The following TVP23C variants were observed in gnomAD, a reference collection of about 807,000 sequenced individuals.
The protein encoded by TVP23C is Golgi apparatus membrane protein TVP23 homolog C.
TVP23C carries 19 observed loss-of-function variants against 28.7 expected under a neutral mutation model. That is an observed-to-expected ratio of 0.66 (90% CI 0.46 to 0.97). TVP23C has a LOEUF of 0.97. Ranked by LOEUF, TVP23C falls within the 50% of genes least tolerant of loss-of-function variation. The pLI, the probability that TVP23C is intolerant of heterozygous loss-of-function variation, is 0.00. For missense variants in TVP23C, 186 were observed against 241.3 expected (o/e 0.77, Z 1.52); for synonymous variants, 68 against 81.7 (o/e 0.83, Z 0.90).
At position 15,503,355 on chromosome 17, in the gene TVP23C, T is replaced by C. The variant is rs1408163353; in HGVS notation, c.463-123A>G. 8 of 1,216,670 alleles carry C rather than the reference T, an allele frequency of 6.6e-6. No individual in the cohort carries two copies. In the Admixed American group the frequency reaches 2.1e-4, roughly 31 times the overall value. The allele number at this position is 1,216,670 out of a possible 1,614,324, so 75.4% of individuals were successfully genotyped here. On this transcript the variant is annotated intron_variant, in intron 5 of 5. Coordinates refer to the TVP23C transcript ENST00000225576. ...AGGAAGTCGAAGCTGCAATGAGCTG[T>C]GACCACGCCACTGCACTCCAGCCTG...
chr17:15,538,910 C>A lies in TVP23C; in HGVS notation c.*1502G>T. On this transcript the variant is annotated 3_prime_UTR_variant, in exon 6 of 6. Transcript: ENST00000518321. ...TCAGAATGAGATGATCATGTCCCTA[C>A]ATGAATATTCATTTTCTCTACTTTT... is the stretch of plus-strand genomic sequence containing the variant. 1 of 985,828 alleles carries A rather than the reference C, an allele frequency of 1.0e-6. No individual in the cohort carries two copies. Among genetic ancestry groups the A allele is most frequent in the Non-Finnish European group, 1.2e-6 (1 of 829,922 alleles). The allele number at this position is 985,828 out of a possible 1,614,324, so 61.1% of individuals were successfully genotyped here.
At chr17:15,552,399 T>C (rs997453089) in intron 3 of TVP23C, among the ~76,000 whole-genome samples, 1 of 152,138 alleles carries the variant, frequency 6.6e-6, no homozygotes, top group Non-Finnish European at 1.5e-5. Context: ...AATTAAAAGA[T>C]GGCCAGGCGC....
rs1011019042 is a variant in TVP23C at position 15,538,659 on chromosome 17, C to A, written c.*1753G>T. ...TAAATCCATGGATACCATCATCCAC[C>A]CAGCTGTCCAGTTTGTCTCATTTGA... is the stretch of plus-strand genomic sequence containing the variant. On this transcript the variant is annotated 3_prime_UTR_variant, in exon 6 of 6. Transcript: ENST00000518321. 8 of 985,180 alleles carry A rather than the reference C, an allele frequency of 8.1e-6. No homozygotes were observed. The highest frequency in any genetic ancestry group is 5.2e-4 in the Middle Eastern group (1 of 1,936). 61.0% of individuals were successfully genotyped at this position (985,180 alleles called of 1,614,324 possible). A position where few individuals can be genotyped will look rare whatever the true frequency, so the allele number is the denominator to read the frequency against.
intron 3 of TVP23C, among the ~76,000 whole-genome samples, chr17:15,552,464 T>G (rs961068002): frequency 3.3e-5 from 5 of 152,060 alleles, no homozygotes; most frequent in Non-Finnish European, 7.4e-5. Flanking sequence ...GGCAGATCAC[T>G]TGACGTCAGA....
chr17:15,503,419 T>C, intron 5 of TVP23C: 2 of 703,596 alleles, frequency 2.8e-6, no homozygotes, highest in Non-Finnish European at 4.4e-6. Context: ...AGAAAAGTCC[T>C]TGAGGCAAAA....
Position 15,504,032 on chromosome 17 carries a change from A to C in TVP23C, c.463-800T>G, listed in dbSNP as rs147226303. The stretch of plus-strand genomic sequence containing the variant: ...TTTCTCAGGGACACTCAGAAAAAAG[A>C]GCCCAGTCTCCTGAGAGCAAGCATG... On this transcript the variant is annotated intron_variant, in intron 5 of 5. Transcript: ENST00000225576. Among the ~76,000 whole-genome samples, 642 of 151,208 alleles carry C rather than the reference A, an allele frequency of 4.2e-3. 5 individuals are homozygous for C. Among genetic ancestry groups the C allele is most frequent in the African/African-American group, 0.015 (606 of 41,012 alleles).
intron 1 of TVP23C, among the ~76,000 whole-genome samples, chr17:15,560,319 C>T (rs1167584543): frequency 1.3e-5 from 2 of 149,102 alleles, no homozygotes; most frequent in Admixed American, 1.4e-4. Context: ...CCACCCTGGC[C>T]TCCCAAAGTG....
At chr17:15,559,027 T>C (rs236805) in intron 1 of TVP23C, among the ~76,000 whole-genome samples, 25,160 of 128,328 alleles carry the variant, frequency 0.2, 3,872 homozygotes, top group East Asian at 0.61. Flanking sequence ...GGTCTCGTTA[T>C]GTTGCCCAGG....
chr17:15,519,866 C>T (rs1314782421), intron 5 of TVP23C, among the ~76,000 whole-genome samples: 1 of 152,214 alleles, frequency 6.6e-6, no homozygotes, highest in Non-Finnish European at 1.5e-5. Context: ...CGCGCCACTG[C>T]ACTCCAGCTG....
intron 5 of TVP23C, among the ~76,000 whole-genome samples, chr17:15,506,255 G>A (rs899295650): frequency 3.9e-5 from 6 of 152,134 alleles, no homozygotes; most frequent in Non-Finnish European, 8.8e-5. Flanking sequence ...TGCACCAATC[G>A]ACACTCTGTA....
intron 5 of TVP23C, among the ~76,000 whole-genome samples, chr17:15,505,783 C>T (rs1981701035): frequency 7.2e-6 from 1 of 138,878 alleles, no homozygotes; most frequent in Non-Finnish European, 1.6e-5. Context: ...GCGGGCCCCG[C>T]ACTCGGAGCA....
intron 5 of TVP23C, among the ~76,000 whole-genome samples, chr17:15,527,090 G>A (rs963045132): frequency 2.0e-5 from 3 of 152,172 alleles, no homozygotes; most frequent in Non-Finnish European, 4.4e-5. Flanking sequence ...GCGAGAGGGA[G>A]ATAATAGCCA....
intron 5 of TVP23C, among the ~76,000 whole-genome samples, chr17:15,517,138 A>ACATG (rs1982262329): frequency 6.6e-6 from 1 of 152,180 alleles, no homozygotes; most frequent in Admixed American, 6.5e-5. Flanking sequence ...TTTCCATGGG[A>ACATG]CATGCCTTTT....
At chr17:15,536,054 T>C (rs1225147908), downstream of TVP23C, among the ~76,000 whole-genome samples, 1 of 151,922 alleles carries the variant, frequency 6.6e-6, no homozygotes, top group Non-Finnish European at 1.5e-5. Flanking sequence ...TAGCCAGGTG[T>C]AGTGGCAGGC....
chr17:15,538,611 A>T lies in TVP23C; in HGVS notation c.*1801T>A, dbSNP rs1983265575. 1.3e-5 allele frequency: 13 copies of T among 985,008 alleles called. No homozygotes were observed. The highest frequency in any genetic ancestry group is 1.1e-4 in the East Asian group (1 of 8,794). The allele number at this position is 985,008 out of a possible 1,614,324, so 61.0% of individuals were successfully genotyped here. A position where few individuals can be genotyped will look rare whatever the true frequency, so the allele number is the denominator to read the frequency against. ...GTCTCAAAAAAAATAAATAAATAAA[A>T]AAGTAGACATGCGCTAATGAAGTAA... On this transcript the variant is annotated 3_prime_UTR_variant, in exon 6 of 6. Coordinates refer to ENST00000518321, the MANE Select transcript of TVP23C (RefSeq NM_001135036.2).
At position 15,545,843 on chromosome 17, in the gene TVP23C, G is replaced by A; in HGVS notation, c.404C>T (p.Ser135Leu). The A allele has an allele frequency of 6.2e-7, 1 of 1,614,122 alleles. No individual in the cohort carries two copies. The highest frequency in any genetic ancestry group is 8.5e-7 in the Non-Finnish European group (1 of 1,179,996). ...RIFWLGLIAC[S>L]VLWVIFAFSA... is the part of the protein sequence containing the mutation. Reference sequence around the variant, plus strand: ...AAAGGCAAATATCACCCACAGTACTGAACAGGCAATAAGTCCCAACCAAAA... The same window carrying A: ...AAAGGCAAATATCACCCACAGTACTAAACAGGCAATAAGTCCCAACCAAAA... Residue 135 changes from serine to leucine, a missense_variant, in exon 5 of 6, where the codon TCA becomes TTA. Physicochemically the swap from Ser to Leu is moderately radical, Grantham distance 145. This residue lies in a region of TVP23C where 74 missense variants were observed against 96.0 expected (regional missense o/e 0.77). Coordinates refer to ENST00000518321, the MANE Select transcript of TVP23C (RefSeq NM_001135036.2).
At chr17:15,559,406 G>A (rs1316044747) in intron 1 of TVP23C, among the ~76,000 whole-genome samples, 2 of 148,120 alleles carry the variant, frequency 1.4e-5, no homozygotes, top group Non-Finnish European at 3.0e-5. Flanking sequence ...AAAAGATTTC[G>A]GGGCAAAATC....
At chr17:15,521,899 AC>A (rs1163396904) in intron 5 of TVP23C, among the ~76,000 whole-genome samples, 1 of 152,166 alleles carries the variant, frequency 6.6e-6, no homozygotes, top group African/African-American at 2.4e-5. Context: ...GAGTGTGGCC[AC>A]CCGGGGCATG....
intron 5 of TVP23C, chr17:15,507,314 C>G (rs1981798855): frequency 1.3e-6 from 1 of 761,860 alleles, no homozygotes; most frequent in South Asian, 1.3e-5. Flanking sequence ...ATGGCAAGAC[C>G]AGCAAGAAGA....
Sources: allele counts gnomAD v4.1 joint callset (sites outside exome capture counted in the v4.1 genomes callset), GRCh38; gene constraint gnomAD v4.1.1; regional missense constraint gnomAD v4.1.1; transcripts MANE v1.5; gene names NCBI Gene and HGNC (gene_info 2026-07-23, HGNC 2026-07-21).